The following AFG2A variants were observed in gnomAD, a reference collection of about 807,000 sequenced individuals.
AFG2A encodes AAA ATPase AFG2A, also known as ATPase family gene 2 protein homolog A.
At chr4:122,937,025 G>A in the AFG2A span, among the ~76,000 whole-genome samples, 1 of 152,066 alleles carries the variant, frequency 6.6e-6, no homozygotes, top group African/African-American at 2.4e-5. Context: ...GGTAGCACAT[G>A]CCTGTAGTCC....
chr4:123,158,376 T>C, the AFG2A span, among the ~76,000 whole-genome samples: 10 of 152,300 alleles, frequency 6.6e-5, no homozygotes, highest in East Asian at 1.9e-3. Context: ...AGCAAAGGTT[T>C]TTTTTGTATG....
At chr4:123,025,251 G>T in the AFG2A span, among the ~76,000 whole-genome samples, 1 of 150,390 alleles carries the variant, frequency 6.6e-6, no homozygotes, top group Non-Finnish European at 1.5e-5. Flanking sequence ...CTGATTACAA[G>T]GAAAAATATT....
the AFG2A span, among the ~76,000 whole-genome samples, chr4:123,169,358 C>T: frequency 6.6e-6 from 1 of 152,144 alleles, no homozygotes; most frequent in Non-Finnish European, 1.5e-5. Flanking sequence ...TACCAACCTA[C>T]GGCATGCCTA....
the AFG2A span, among the ~76,000 whole-genome samples, chr4:123,016,714 C>T: frequency 6.0e-5 from 9 of 149,958 alleles, no homozygotes; most frequent in East Asian, 2.0e-4. Context: ...ACTTCCCAGA[C>T]GGGGTGGCGG....
At chr4:123,225,932 T>G in the AFG2A span, among the ~76,000 whole-genome samples, 5 of 152,242 alleles carry the variant, frequency 3.3e-5, no homozygotes, top group Non-Finnish European at 7.3e-5. Context: ...TTCACATCCT[T>G]TGTAAGTTGG....
chr4:123,069,223 T>A, the AFG2A span, among the ~76,000 whole-genome samples: 2 of 152,172 alleles, frequency 1.3e-5, no homozygotes, highest in East Asian at 1.9e-4. Flanking sequence ...ACTGCTGCCA[T>A]CCATGATATA....
the AFG2A span, among the ~76,000 whole-genome samples, chr4:122,951,446 A>ACG: frequency 3.8e-4 from 58 of 151,472 alleles, 2 homozygotes; most frequent in South Asian, 2.1e-4. Flanking sequence ...ACACACACAC[A>ACG]CACACACACA....
the AFG2A span, among the ~76,000 whole-genome samples, chr4:123,212,854 T>G: frequency 6.6e-6 from 1 of 152,194 alleles, no homozygotes; most frequent in South Asian, 2.1e-4. Context: ...TTGGCTTTAA[T>G]GTTATCTTGC....
the AFG2A span, chr4:123,316,899 C>T: frequency 6.6e-6 from 1 of 152,196 alleles, no homozygotes; most frequent in Non-Finnish European, 1.5e-5. Flanking sequence ...CTGACTTGGC[C>T]TGTGCTTTTG....
At chr4:123,307,765 A>G in the AFG2A span, among the ~76,000 whole-genome samples, 1 of 152,250 alleles carries the variant, frequency 6.6e-6, no homozygotes, top group African/African-American at 2.4e-5. Flanking sequence ...AGATTACAAT[A>G]TTATATTTTT....
the AFG2A span, among the ~76,000 whole-genome samples, chr4:122,965,162 G>T: frequency 3.3e-5 from 5 of 152,104 alleles, no homozygotes; most frequent in Admixed American, 3.3e-4. Flanking sequence ...GTTTCTGTAG[G>T]CAGGTAGTAA....
the AFG2A span, among the ~76,000 whole-genome samples, chr4:122,943,903 T>G: frequency 6.6e-6 from 1 of 151,912 alleles, no homozygotes; most frequent in East Asian, 1.9e-4. Context: ...GAAGCTTAGT[T>G]TGGCTGGATA....
the AFG2A span, among the ~76,000 whole-genome samples, chr4:123,123,951 CA>C: frequency 3.6e-3 from 130 of 35,768 alleles, no homozygotes; most frequent in South Asian, 0.019. Flanking sequence ...AACTCCGTCT[CA>C]AAAAAAAAAA....
At chr4:123,026,263 G>A in the AFG2A span, among the ~76,000 whole-genome samples, 1 of 152,092 alleles carries the variant, frequency 6.6e-6, no homozygotes, top group African/African-American at 2.4e-5. Flanking sequence ...GTGCTGGAGT[G>A]AGGATTTGAA....
chr4:122,989,068 TA>T, the AFG2A span, among the ~76,000 whole-genome samples: 1 of 152,232 alleles, frequency 6.6e-6, no homozygotes, highest in Non-Finnish European at 1.5e-5. Context: ...CTAAGATGAT[TA>T]TTTTTTATAC....
the AFG2A span, among the ~76,000 whole-genome samples, chr4:123,137,013 C>T: frequency 6.6e-6 from 1 of 152,082 alleles, no homozygotes. Flanking sequence ...GAAACTATTT[C>T]ACTTCAGATC....
At chr4:122,934,072 G>A in the AFG2A span, 1 of 1,537,942 alleles carries the variant, frequency 6.5e-7, no homozygotes, top group Non-Finnish European at 8.7e-7. Flanking sequence ...ATGCTAACAT[G>A]TATATTTAAT....
the AFG2A span, among the ~76,000 whole-genome samples, chr4:123,252,979 T>C: frequency 2.6e-5 from 4 of 152,232 alleles, no homozygotes; most frequent in South Asian, 4.1e-4. Flanking sequence ...TATTCCATTA[T>C]ATATTTTGAC....
the AFG2A span, among the ~76,000 whole-genome samples, chr4:122,995,698 G>A: frequency 1.3e-5 from 2 of 152,208 alleles, no homozygotes; most frequent in African/African-American, 4.8e-5. Flanking sequence ...GACTCTAAAT[G>A]GAAAATTTAA....
Sources: gnomAD v4.1 joint callset for allele counts (sites outside exome capture counted in the v4.1 genomes callset) on GRCh38, gnomAD v4.1.1 for gene constraint, MANE v1.5 for transcripts, NCBI Gene and HGNC (gene_info 2026-07-23, HGNC 2026-07-21) for gene names.